Variants in ASCC3 observed in about 807,000 individuals in gnomAD.
ASCC3 encodes ASC-1 complex subunit P200.
Under a neutral mutation model 256.3 loss-of-function variants are expected in ASCC3, and 158 were observed. The ratio of observed to expected loss-of-function variants is 0.62; its 90% CI spans 0.54 to 0.70. The LOEUF is 0.70. ASCC3 is among the 30% of genes least tolerant of loss of function. The pLI is 0.00. For synonymous variants in ASCC3, 948 were observed against 883.4 expected, an observed-to-expected ratio of 1.07 and a Z score of -1.30; for missense variants, 2,259 against 2,626.0, an observed-to-expected ratio of 0.86 and a Z score of 3.05.
intron 33 of ASCC3, among the ~76,000 whole-genome samples, chr6:100,602,739 G>A (rs773741524): frequency 6.6e-5 from 10 of 152,056 alleles, no homozygotes; most frequent in Non-Finnish European, 1.3e-4. Flanking sequence ...AGTACACAAA[G>A]ATAATCAGAT....
intron 2 of ASCC3, among the ~76,000 whole-genome samples, chr6:100,865,161 A>C (rs1773418385): frequency 6.6e-6 from 1 of 152,200 alleles, no homozygotes; most frequent in African/African-American, 2.4e-5. Flanking sequence ...CCATAAAATG[A>C]ATTAAGTTGT....
At chr6:100,517,859 C>A in intron 38 of ASCC3, 132 bp downstream of exon 38, 1 of 1,040,998 alleles carries the variant, frequency 9.6e-7, no homozygotes, top group Non-Finnish European at 1.4e-6. Flanking sequence ...ATGTCTCACT[C>A]TGGGAAACAG....
chr6:100,756,659 G>C (rs1781193783), intron 10 of ASCC3, among the ~76,000 whole-genome samples: 1 of 152,022 alleles, frequency 6.6e-6, no homozygotes, highest in Non-Finnish European at 1.5e-5. Flanking sequence ...TGATTCTAAG[G>C]CTGGGCTTCT....
At chr6:100,623,742 G>A (rs1436289191) in intron 30 of ASCC3, among the ~76,000 whole-genome samples, 1 of 152,048 alleles carries the variant, frequency 6.6e-6, no homozygotes, top group African/African-American at 2.4e-5. Context: ...GTGTAAGAAA[G>A]AACAATCACT....
intron 10 of ASCC3, among the ~76,000 whole-genome samples, chr6:100,758,012 C>G (rs996092077): frequency 6.6e-6 from 1 of 152,120 alleles, no homozygotes; most frequent in Non-Finnish European, 1.5e-5. Context: ...TGAAGACTGG[C>G]ACTGATGGGT....
chr6:100,734,159 C>T (rs1052933163), intron 10 of ASCC3, among the ~76,000 whole-genome samples: 2 of 151,980 alleles, frequency 1.3e-5, no homozygotes, highest in Non-Finnish European at 2.9e-5. Flanking sequence ...TAAAGCAGAG[C>T]CTCTGGGTAG....
chr6:100,799,347 C>T, intron 7 of ASCC3, 84 bp downstream of exon 7: 2 of 1,482,562 alleles, frequency 1.3e-6, no homozygotes, highest in South Asian at 1.2e-5. Context: ...TAGTGTTAGA[C>T]TCACGAAGGA....
chr6:100,848,474 C>CG lies in ASCC3; in HGVS notation c.474dup (p.Asp159ArgfsTer2). On this transcript the variant is annotated frameshift_variant, in exon 4 of 42. Coordinates refer to ENST00000369162, the MANE Select transcript of ASCC3 (RefSeq NM_006828.4). LOFTEE classifies it high-confidence loss of function. ...AAATTTTTACCAAAAAAAACCCTAT[C>CG]GCCATGTTCTTTTTCTGTCATCTGC... 1 of 1,612,696 alleles carries CG rather than the reference C, an allele frequency of 6.2e-7. No homozygotes were observed. The highest frequency in any genetic ancestry group is 8.5e-7 in the Non-Finnish European group (1 of 1,179,188).
rs1336336199 is a variant in ASCC3 at position 100,517,977 on chromosome 6, A to G, written c.5927+14T>C. 1.9e-6 allele frequency: 3 copies of G among 1,611,992 alleles called. No homozygotes were observed. The highest frequency in any genetic ancestry group is 1.7e-5 in the Admixed American group (1 of 59,918). ...TCAAAACAAAACAATTACATTGAAA[A>G]GTAAAACAATTACTTGAAAAGGTGA... On this transcript the variant is annotated intron_variant, in intron 38 of 41. Coordinates refer to ENST00000369162, the MANE Select transcript of ASCC3 (RefSeq NM_006828.4).
At chr6:100,582,896 T>C (rs901134958) in intron 36 of ASCC3, among the ~76,000 whole-genome samples, 5 of 152,198 alleles carry the variant, frequency 3.3e-5, no homozygotes, top group Admixed American at 6.5e-5. Flanking sequence ...CATTTATTGA[T>C]TTGCGTATAT....
intron 30 of ASCC3, among the ~76,000 whole-genome samples, chr6:100,618,619 A>G (rs1030205081): frequency 6.6e-6 from 1 of 152,208 alleles, no homozygotes; most frequent in African/African-American, 2.4e-5. Flanking sequence ...ACGAAGGCCC[A>G]GCTATTGCTA....
At chr6:100,511,347 G>T (rs572504593) in intron 40 of ASCC3, among the ~76,000 whole-genome samples, 1 of 152,194 alleles carries the variant, frequency 6.6e-6, no homozygotes, top group South Asian at 2.1e-4. Context: ...AAACCCGGGA[G>T]GCGGAGGTTG....
intron 13 of ASCC3, among the ~76,000 whole-genome samples, chr6:100,683,970 T>G (rs1360622475): frequency 6.6e-6 from 1 of 152,000 alleles, no homozygotes; most frequent in East Asian, 1.9e-4. Flanking sequence ...GAAAAAAAAG[T>G]ATGTAAATTT....
chr6:100,873,336 A>G (rs1441736940), intron 1 of ASCC3, among the ~76,000 whole-genome samples: 1 of 152,118 alleles, frequency 6.6e-6, no homozygotes, highest in Non-Finnish European at 1.5e-5. Context: ...AATAAAAAAG[A>G]ATAAGAAAAT....
At chr6:100,620,796 G>A (rs923779233) in intron 30 of ASCC3, among the ~76,000 whole-genome samples, 8 of 152,106 alleles carry the variant, frequency 5.3e-5, no homozygotes, top group Admixed American at 1.3e-4. Flanking sequence ...GGAAGCAACC[G>A]CTAAGCTTCC....
At chr6:100,510,609 C>T (rs547879962) in intron 40 of ASCC3, among the ~76,000 whole-genome samples, 32 of 152,244 alleles carry the variant, frequency 2.1e-4, no homozygotes, top group African/African-American at 7.5e-4. Context: ...ATACTTTCCC[C>T]CTCATCCAAG....
intron 3 of ASCC3, among the ~76,000 whole-genome samples, chr6:100,860,029 C>T (rs1311328980): frequency 6.6e-6 from 1 of 151,964 alleles, no homozygotes; most frequent in Admixed American, 6.6e-5. Flanking sequence ...CTACTCTTGG[C>T]CCCCATCTTA....
At chr6:100,808,155 GATA>G (rs1172300488) in intron 4 of ASCC3, among the ~76,000 whole-genome samples, 4 of 151,940 alleles carry the variant, frequency 2.6e-5, no homozygotes, top group African/African-American at 7.2e-5. Context: ...TGATACCAGT[GATA>G]ATATTAATGA....
intron 13 of ASCC3, among the ~76,000 whole-genome samples, chr6:100,687,745 T>C (rs902650345): frequency 3.9e-5 from 6 of 152,090 alleles, no homozygotes; most frequent in Non-Finnish European, 7.4e-5. Context: ...GTCTAAGTGA[T>C]GAATTTATAT....
Sources: allele counts gnomAD v4.1 joint callset (sites outside exome capture counted in the v4.1 genomes callset), GRCh38; gene constraint gnomAD v4.1.1; transcripts MANE v1.5; gene names NCBI Gene and HGNC (gene_info 2026-07-23, HGNC 2026-07-21).